The following ATR variants were observed in gnomAD, a reference collection of about 807,000 sequenced individuals.
ATR encodes serine/threonine-protein kinase ATR.
In ATR, 142 loss-of-function variants were observed where a neutral mutation model predicts 305.3. That is an observed-to-expected ratio of 0.47 (90% CI 0.41 to 0.53). The LOEUF (loss-of-function observed/expected upper bound fraction) is 0.53, where lower values mean the gene tolerates loss of function less well. Ranked by LOEUF, ATR falls within the 20% of genes least tolerant of loss-of-function variation. ATR has a pLI of 0.00. For synonymous variants in ATR, 1,050 were observed against 1,068.1 expected, an observed-to-expected ratio of 0.98 and a Z score of 0.33; for missense variants, 2,135 against 3,133.1, an observed-to-expected ratio of 0.68 and a Z score of 7.60.
intron 39 of ATR, among the ~76,000 whole-genome samples, chr3:142,467,392 A>T (rs954931973): frequency 1.4e-4 from 21 of 152,164 alleles, no homozygotes; most frequent in African/African-American, 4.8e-4. Flanking sequence ...AGTTCCCTAA[A>T]AGACTGTAAG....
intron 3 of ATR, among the ~76,000 whole-genome samples, chr3:142,565,471 T>G (rs1421484467): frequency 4.0e-5 from 6 of 150,972 alleles, no homozygotes; most frequent in Admixed American, 6.6e-5. Flanking sequence ...ATATATAGAA[T>G]AGCGGTCAGC....
At chr3:142,533,914 A>G (rs992821171) in intron 21 of ATR, among the ~76,000 whole-genome samples, 124 of 152,028 alleles carry the variant, frequency 8.2e-4, no homozygotes, top group African/African-American at 2.8e-3. Context: ...AGGCAAAGTG[A>G]GGCAGCTGCA....
Position 142,549,569 on chromosome 3 carries a change from C to T in ATR, c.3081G>A (p.Glu1027=). ...TATATTTGAAGTTGTTTATTAAAAT[C>T]TCTCTACGATTGACATTTAATTGTT... ...LGKQLNVNRR[E]ILINNFKYIF... is the part of the protein sequence containing the mutation. The change falls in exon 15 of 47, where the codon GAG becomes GAA. Residue 1027 remains glutamate (E), a synonymous_variant. Transcript: ENST00000350721. 2 of 1,611,970 alleles carry T rather than the reference C, an allele frequency of 1.2e-6. No homozygotes were observed. The highest frequency in any genetic ancestry group is 1.7e-6 in the Non-Finnish European group (2 of 1,178,672).
chr3:142,536,279 TA>T lies in ATR; in HGVS notation c.3726-79del. ...AAAAATGTAAAGTAAAAGTTGAAAC[TA>T]AGGCCAATTTAATTCATAATTAAAA... On this transcript the variant is annotated intron_variant, in intron 19 of 46. Transcript: ENST00000350721. 5.9e-6 allele frequency: 6 copies of T among 1,016,020 alleles called. No individual in the cohort carries two copies. The South Asian group carries it at 6.8e-5, about 11-fold the overall frequency. 62.9% of individuals were successfully genotyped at this position (1,016,020 alleles called of 1,614,324 possible). A position where few individuals can be genotyped will look rare whatever the true frequency, so the allele number is the denominator to read the frequency against.
chr3:142,461,917 T>C, intron 42 of ATR, 23 bp downstream of exon 42: 3 of 1,605,310 alleles, frequency 1.9e-6, no homozygotes, highest in Non-Finnish European at 2.6e-6. Flanking sequence ...ACACTGTATA[T>C]GTATAAGAAT....
At chr3:142,496,550 G>C (rs1214025977) in intron 33 of ATR, 30 bp from the exon 34 acceptor site, 1 of 1,596,872 alleles carries the variant, frequency 6.3e-7, no homozygotes, top group Non-Finnish European at 8.6e-7. Flanking sequence ...ATTGGTGAGA[G>C]AGACCATTGG....
chr3:142,513,439 T>A, intron 26 of ATR, 62 bp downstream of exon 26: 1 of 1,567,982 alleles, frequency 6.4e-7, no homozygotes, highest in Non-Finnish European at 8.8e-7. Flanking sequence ...TTTCTAATAC[T>A]AATTACATTG....
At chr3:142,527,200 T>G (rs1161668107) in intron 21 of ATR, among the ~76,000 whole-genome samples, 1 of 152,216 alleles carries the variant, frequency 6.6e-6, no homozygotes, top group African/African-American at 2.4e-5. Flanking sequence ...CTATCTTTTT[T>G]CGGTCTACTG....
intron 32 of ATR, among the ~76,000 whole-genome samples, chr3:142,497,558 C>A (rs1280476890): frequency 1.3e-5 from 2 of 148,752 alleles, no homozygotes; most frequent in African/African-American, 5.1e-5. Context: ...CATAGCAAGA[C>A]CCCGTCCCTT....
chr3:142,558,250 T>C (rs1047434056), intron 8 of ATR, among the ~76,000 whole-genome samples: 4 of 151,598 alleles, frequency 2.6e-5, no homozygotes, highest in South Asian at 2.1e-4. Flanking sequence ...AGGCCAGGCA[T>C]GGTGGCTCAC....
chr3:142,537,760 T>C (rs1309873786), intron 19 of ATR, among the ~76,000 whole-genome samples: 1 of 152,078 alleles, frequency 6.6e-6, no homozygotes, highest in Non-Finnish European at 1.5e-5. Flanking sequence ...AAATTAAATA[T>C]ATAAAAAGAC....
At position 142,562,880 on chromosome 3, in the gene ATR, G is replaced by A. The variant is rs758323339; in HGVS notation, c.522C>T (p.Val174=). The change falls in exon 4 of 47, where the codon GTC becomes GTT. Residue 174 remains valine, a synonymous_variant. Transcript: ENST00000350721. ...VMGHAVEWPV[V]MSRFLSQLDE... ...CTAATTGACTTAAAAATCGGCTCAT[G>A]ACCACTGGCCATTCCACAGCATGAC... 1.2e-6 allele frequency: 2 copies of A among 1,612,294 alleles called. No homozygotes were observed. Among genetic ancestry groups the A allele is most frequent in the Non-Finnish European group, 1.7e-6 (2 of 1,179,522 alleles).
rs895205069 is a variant in ATR at position 142,559,274 on chromosome 3, T to C, written c.1709A>G (p.Tyr570Cys). The change falls in exon 7 of 47, where the codon TAT (tyrosine) becomes TGT (cysteine). Residue 570 changes from tyrosine (Y) to cysteine (C), a missense_variant. This residue lies in a region of ATR where 744 missense variants were observed against 873.2 expected (regional missense o/e 0.85). Transcript: ENST00000350721. ...ACCTTGCATATAAATCAAAGCATCA[T>C]AAATTTTCACCACCTTATCAATGGT... ...EATIDKVVKI[Y>C]DALIYMQVNS... 6.2e-7 allele frequency: 1 copy of C among 1,613,826 alleles called. No individual in the cohort carries two copies. Among genetic ancestry groups the C allele is most frequent in the East Asian group, 2.2e-5 (1 of 44,828 alleles).
rs969885221 is a variant in ATR, at chr3:142,475,877, G to C, written c.6222-5694C>G. On this transcript the variant is annotated intron_variant, in intron 36 of 46. Coordinates refer to ENST00000350721, the MANE Select transcript of ATR (RefSeq NM_001184.4). ...TGATGAGCATTTTTTTCATGTGTCT[G>C]TTGGCTGCATAAATGTCTTCTTTTG... 3.3e-5 allele frequency among the ~76,000 whole-genome samples: 5 copies of C among 152,144 alleles called. No homozygotes were observed. The East Asian group carries it at 5.8e-4, about 18-fold the overall frequency.
chr3:142,560,498 A>G (rs752586440), intron 5 of ATR, 44 bp from the exon 6 acceptor site: 1 of 1,534,350 alleles, frequency 6.5e-7, no homozygotes, highest in Non-Finnish European at 9.0e-7. Flanking sequence ...ATGCAATATA[A>G]ATTTGGTTAA....
chr3:142,514,566 G>A (rs555117572), intron 25 of ATR, among the ~76,000 whole-genome samples: 4 of 151,650 alleles, frequency 2.6e-5, no homozygotes, highest in Admixed American at 6.6e-5. Context: ...CCCGGGAGGC[G>A]GAGCTTGCAG....
rs575077685 is a variant in ATR, at chr3:142,549,460, T to C, written c.3171+19A>G. 1.1e-5 allele frequency: 17 copies of C among 1,486,514 alleles called. No individual in the cohort carries two copies. In the South Asian group the frequency reaches 1.5e-4, roughly 13 times the overall value. 92.1% of individuals were successfully genotyped at this position (1,486,514 alleles called of 1,614,324 possible). ...CTAATTTATATAAAAAAGTAAAATATATAGAAATATTCAATTACCTTCAGA... is the reference window on the plus strand; with the variant it reads ...CTAATTTATATAAAAAAGTAAAATACATAGAAATATTCAATTACCTTCAGA... On this transcript the variant is annotated intron_variant, in intron 15 of 46. Coordinates refer to ENST00000350721, the MANE Select transcript of ATR (RefSeq NM_001184.4).
intron 39 of ATR, among the ~76,000 whole-genome samples, 182 bp from the exon 40 acceptor site, chr3:142,466,715 G>T (rs1049187502): frequency 1.3e-5 from 2 of 151,980 alleles, no homozygotes; most frequent in African/African-American, 2.4e-5. Context: ...TACATCATAG[G>T]ATTGTTTAAT....
chr3:142,484,694 C>A (rs1030289448), intron 36 of ATR, among the ~76,000 whole-genome samples: 1 of 152,080 alleles, frequency 6.6e-6, no homozygotes, highest in Non-Finnish European at 1.5e-5. Flanking sequence ...AGACTTGCAA[C>A]TAAGGGAAGG....
Sources: allele counts gnomAD v4.1 joint callset (sites outside exome capture counted in the v4.1 genomes callset), GRCh38; gene constraint gnomAD v4.1.1; regional missense constraint gnomAD v4.1.1; transcripts MANE v1.5; gene names NCBI Gene and HGNC (gene_info 2026-07-23, HGNC 2026-07-21).